UGT2B11: variants seen among roughly 807,000 people sequenced by gnomAD.
The protein encoded by UGT2B11 is UDP-glucuronosyltransferase 2B11.
Under a neutral mutation model 51.7 loss-of-function variants are expected in UGT2B11, and 49 were observed. That is an observed-to-expected ratio of 0.95 (90% CI 0.75 to 1.20). The LOEUF is 1.20. Ranked by LOEUF, UGT2B11 falls within the 50% of genes most tolerant of loss-of-function variation. The pLI is 0.00. For missense variants in UGT2B11, 810 were observed against 622.1 expected (o/e 1.30, Z -3.21); for synonymous variants, 273 against 209.0 (o/e 1.31, Z -2.64).
intron 2 of UGT2B11, among the ~76,000 whole-genome samples, chr4:69,211,951 C>T (rs904250258): frequency 4.0e-5 from 6 of 151,414 alleles, no homozygotes; most frequent in Non-Finnish European, 5.9e-5. Flanking sequence ...TCCCTGAAAA[C>T]AAAACCTGAG....
Position 69,204,616 on chromosome 4 carries a change from C to A in UGT2B11, c.1124G>T (p.Gly375Val). The A allele has an allele frequency of 6.2e-7, 1 of 1,611,796 alleles. No homozygotes were observed. Among genetic ancestry groups the A allele is most frequent in the South Asian group, 1.1e-5 (1 of 91,026 alleles). ...TGCCTCATAGATGCCATTGGCTCCA[C>A]CATGAGTTATAAAAGCTCTGGTTTT... ...HPKTRAFITHGGANGIYEAIY... is the reference protein window; with the variant it reads ...HPKTRAFITHVGANGIYEAIY... The change falls in exon 5 of 6, where the codon GGT becomes GTT. Residue 375 changes from glycine (G) to valine (V), a missense_variant. Physicochemically the swap from Gly to Val is moderately radical, Grantham distance 109 (BLOSUM62 -3). Coordinates refer to ENST00000446444, the MANE Select transcript of UGT2B11 (RefSeq NM_001073.3).
In UGT2B11 at chr4:69,202,029, C is replaced by A. The variant is rs368340909; in HGVS notation, c.1311-1310G>T. 2.0e-5 allele frequency among the ~76,000 whole-genome samples: 3 copies of A among 151,726 alleles called. No individual in the cohort carries two copies. The East Asian group carries it at 5.9e-4, about 30-fold the overall frequency. On this transcript the variant is annotated intron_variant, in intron 5 of 5. Coordinates refer to ENST00000446444, the MANE Select transcript of UGT2B11 (RefSeq NM_001073.3). ...TAAGGATTAGCCTGACTTCGAATAA[C>A]AACATTAGTTTTGCTTGTTTATGTA...
chr4:69,223,146 C>A, the UGT2B11 span, among the ~76,000 whole-genome samples: 18 of 152,172 alleles, frequency 1.2e-4, no homozygotes, highest in African/African-American at 4.3e-4. Flanking sequence ...CCTCAGGGGA[C>A]CACGTTTCTC....
intron 4 of UGT2B11, 29 bp from the exon 5 acceptor site, chr4:69,204,678 A>G (rs1213681873): frequency 6.2e-7 from 1 of 1,610,118 alleles, no homozygotes; most frequent in Non-Finnish European, 8.5e-7. Context: ...TAGCAAAATT[A>G]TTCATAGGAA....
At position 69,214,734 on chromosome 4, in the gene UGT2B11, G is replaced by T. The variant is rs758233248; in HGVS notation, c.-12C>A. On this transcript the variant is annotated 5_prime_UTR_variant, in exon 1 of 6. Transcript: ENST00000446444. ...CATTTCAGAGTCATCCTGGTGCAAT[G>T]CGATCATTCTTTTCCAGTCACTGTT... The T allele has an allele frequency of 2.5e-6, 4 of 1,607,874 alleles. No individual in the cohort carries two copies. Among genetic ancestry groups the T allele is most frequent in the Non-Finnish European group, 3.4e-6 (4 of 1,176,960 alleles).
At chr4:69,208,029 G>T (rs1247075867) in intron 3 of UGT2B11, among the ~76,000 whole-genome samples, 4 of 151,556 alleles carry the variant, frequency 2.6e-5, no homozygotes, top group Non-Finnish European at 3.0e-5. Context: ...TCAGCAGTAT[G>T]TATGACTCTT....
chr4:69,214,686 G>A lies in UGT2B11; in HGVS notation c.37C>T (p.His13Tyr). 7 of 1,612,802 alleles carry A rather than the reference G, an allele frequency of 4.3e-6. No individual in the cohort carries two copies. In the Admixed American group the frequency reaches 5.0e-5, roughly 12 times the overall value. The change falls in exon 1 of 6, where the codon CAT becomes TAT. Residue 13 changes from histidine (H) to tyrosine (Y), a missense_variant. By Grantham distance (83) the His-to-Tyr change is moderately conservative. Transcript: ENST00000446444. ...CCAGAGCTAAAGTAACAACTGAGAT[G>A]TATCAGCAGAAGAACTGAAGTCCAT... ...LKWTSVLLLI[H>Y]LSCYFSSGSC...
chr4:69,223,188 G>A, the UGT2B11 span, among the ~76,000 whole-genome samples: 1 of 152,184 alleles, frequency 6.6e-6, no homozygotes, highest in South Asian at 2.1e-4. Context: ...GCCAGGCAGT[G>A]GTACAGAAGA....
At chr4:69,203,035 A>G (rs1721717908) in intron 5 of UGT2B11, among the ~76,000 whole-genome samples, 1 of 151,664 alleles carries the variant, frequency 6.6e-6, no homozygotes, top group South Asian at 2.1e-4. Context: ...TTAACTTAAA[A>G]TTATATTTTT....
intron 4 of UGT2B11, among the ~76,000 whole-genome samples, chr4:69,205,092 A>T (rs1721799758): frequency 6.6e-6 from 1 of 151,780 alleles, no homozygotes; most frequent in Admixed American, 6.6e-5. Context: ...TAAGATTAGG[A>T]ATTTAGTCCT....
rs1392127092 is a variant in UGT2B11, at chr4:69,205,148, C to T, written c.1090+332G>A. On this transcript the variant is annotated intron_variant, in intron 4 of 5. Coordinates refer to ENST00000446444, the MANE Select transcript of UGT2B11 (RefSeq NM_001073.3). ...GGTGATAGAAGAGCTATTATATTTA[C>T]TGGCATTTGAAATAATCCTGCAGGA... Among the ~76,000 whole-genome samples the T allele has an allele frequency of 1.3e-5, 2 of 151,596 alleles. 1 individual carries two copies. The highest frequency in any genetic ancestry group is 3.0e-5 in the Non-Finnish European group (2 of 67,764).
upstream of UGT2B11, among the ~76,000 whole-genome samples, chr4:69,217,248 A>G (rs77785653): frequency 0.041 from 6,296 of 152,190 alleles, 184 homozygotes; most frequent in South Asian, 0.12. Flanking sequence ...TACTTTTAAA[A>G]AGTCTCACCA....
At chr4:69,224,457 T>G in the UGT2B11 span, among the ~76,000 whole-genome samples, 1 of 151,850 alleles carries the variant, frequency 6.6e-6, no homozygotes, top group Non-Finnish European at 1.5e-5. Flanking sequence ...TTAGAGAGCC[T>G]TTTTCCAGAG....
In UGT2B11 at chr4:69,200,075, G is replaced by T. The variant is rs559870905; in HGVS notation, c.*365C>A. The T allele has an allele frequency of 1.2e-5, 2 of 173,150 alleles. No homozygotes were observed. The highest frequency in any genetic ancestry group is 2.9e-4 in the South Asian group (2 of 6,866). 10.7% of individuals were successfully genotyped at this position (173,150 alleles called of 1,614,324 possible). A position where few individuals can be genotyped will look rare whatever the true frequency, so the allele number is the denominator to read the frequency against. The stretch of plus-strand genomic sequence containing the variant: ...TGTCAGTAGACTTCTTAATGTTCTT[G>T]TGTTTATGTAAAATGTGTGAAATAT... On this transcript the variant is annotated 3_prime_UTR_variant, in exon 6 of 6. Coordinates refer to ENST00000446444, the MANE Select transcript of UGT2B11 (RefSeq NM_001073.3).
intron 3 of UGT2B11, among the ~76,000 whole-genome samples, chr4:69,208,006 T>C (rs187783343): frequency 2.6e-5 from 4 of 151,760 alleles, no homozygotes; most frequent in Non-Finnish European, 4.4e-5. Context: ...ACCTGAAATA[T>C]ATTCAGTTAA....
At position 69,200,575 on chromosome 4, in the gene UGT2B11, C is replaced by T. The variant is rs762463283; in HGVS notation, c.1455G>A (p.Trp485Ter). 1.0e-4 allele frequency: 166 copies of T among 1,612,270 alleles called. No homozygotes were observed. The highest frequency in any genetic ancestry group is 1.4e-4 in the Non-Finnish European group (160 of 1,179,026). ...HLRVAAHDLT[W>*]FQYHSLDVIG... The stretch of plus-strand genomic sequence containing the variant: ...TCACATCCAAAGAGTGGTACTGGAA[C>T]CAGGTGAGGTCATGGGCTGCAACTC... Residue 485 changes from tryptophan to a stop codon, truncating the protein, a stop_gained, in exon 6 of 6, where the codon TGG (tryptophan) becomes TGA (stop). Coordinates refer to ENST00000446444, the MANE Select transcript of UGT2B11 (RefSeq NM_001073.3). LOFTEE classifies it high-confidence loss of function.
intron 5 of UGT2B11, 150 bp downstream of exon 5, chr4:69,204,280 G>T (rs1721767043): frequency 8.0e-7 from 1 of 1,252,658 alleles, no homozygotes; most frequent in Non-Finnish European, 1.1e-6. Context: ...TTAAATAATA[G>T]ATGATAAAAA....
upstream of UGT2B11, among the ~76,000 whole-genome samples, chr4:69,217,309 C>A (rs767500610): frequency 2.0e-5 from 3 of 152,106 alleles, no homozygotes; most frequent in African/African-American, 7.2e-5. Flanking sequence ...TGTCACAAAA[C>A]AGACAAATTT....
intron 3 of UGT2B11, among the ~76,000 whole-genome samples, chr4:69,206,157 A>G (rs1028060244): frequency 8.6e-5 from 13 of 151,584 alleles, no homozygotes; most frequent in Admixed American, 8.6e-4. Context: ...TGGTTCTTTT[A>G]TGAAGATCCA....
Sources: allele counts gnomAD v4.1 joint callset (sites outside exome capture counted in the v4.1 genomes callset), GRCh38; gene constraint gnomAD v4.1.1; transcripts MANE v1.5; gene names NCBI Gene and HGNC (gene_info 2026-07-23, HGNC 2026-07-21).